CRYBG3: variants seen among roughly 807,000 people sequenced by gnomAD.
CRYBG3 encodes the protein crystallin beta-gamma domain containing 3.
A neutral mutation model predicts 244.2 loss-of-function variants in CRYBG3; 127 were observed. The ratio of observed to expected loss-of-function variants is 0.52; its 90% CI spans 0.45 to 0.60. The LOEUF is 0.60. CRYBG3 is among the 20% of genes least tolerant of loss of function. CRYBG3 has a pLI of 0.00. For missense variants in CRYBG3, 3,325 were observed against 3,442.5 expected, an observed-to-expected ratio of 0.97 and a Z score of 0.85; for synonymous variants, 1,132 against 1,195.8, an observed-to-expected ratio of 0.95 and a Z score of 1.10.
At position 97,899,187 on chromosome 3, in the gene CRYBG3, A is replaced by G; in HGVS notation, c.7895A>G (p.Glu2632Gly). 1 of 1,613,782 alleles carries G rather than the reference A, an allele frequency of 6.2e-7. No individual in the cohort carries two copies. Among genetic ancestry groups the G allele is most frequent in the Non-Finnish European group, 8.5e-7 (1 of 1,179,844 alleles). The change falls in exon 14 of 22, where the codon GAA becomes GGA. Residue 2632 changes from glutamate (E) to glycine (G), a missense_variant. By Grantham distance (98) the Glu-to-Gly change is moderately conservative (BLOSUM62 -2). Coordinates refer to ENST00000389622, the MANE Select transcript of CRYBG3 (RefSeq NM_153605.4). ...TTCTGTGGAGAACAATACATTTTAG[A>G]AAAAGGGAAATACAAATGCTTTTTT... ...KFFCGEQYIL[E>G]KGKYKCFFDW...
intron 15 of CRYBG3, among the ~76,000 whole-genome samples, chr3:97,902,586 T>C (rs1190911848): frequency 6.6e-6 from 1 of 151,958 alleles, no homozygotes; most frequent in Non-Finnish European, 1.5e-5. Context: ...TATTGACCAG[T>C]CCTCTAAGTT....
Position 97,872,579 on chromosome 3 carries a change from T to G in CRYBG3, c.1385T>G (p.Ile462Ser). ...STNLPSPNKS[I>S]RHEHLQLPES... is the part of the protein sequence containing the mutation. The stretch of plus-strand genomic sequence containing the variant: ...AATTTGCCAAGTCCAAATAAATCAA[T>G]TAGGCATGAACATCTGCAGTTGCCA... Residue 462 changes from isoleucine (I) to serine (S), a missense_variant, in exon 4 of 22, where the codon ATT (isoleucine) becomes AGT (serine). By Grantham distance (142) the Ile-to-Ser change is moderately radical. This residue lies in a region of CRYBG3 where 1,526 missense variants were observed against 1,443.2 expected (regional missense o/e 1.06). Coordinates refer to ENST00000389622, the MANE Select transcript of CRYBG3 (RefSeq NM_153605.4). 1 of 1,535,954 alleles carries G rather than the reference T, an allele frequency of 6.5e-7. No homozygotes were observed. Among genetic ancestry groups the G allele is most frequent in the Non-Finnish European group, 8.7e-7 (1 of 1,146,826 alleles).
intron 15 of CRYBG3, among the ~76,000 whole-genome samples, chr3:97,905,109 T>C (rs920850146): frequency 1.3e-4 from 20 of 152,312 alleles, no homozygotes; most frequent in Admixed American, 2.6e-4. Context: ...TTCCGTGGTA[T>C]ATATGTGACA....
chr3:97,908,747 A>C (rs1213230409), intron 15 of CRYBG3, among the ~76,000 whole-genome samples: 1 of 152,108 alleles, frequency 6.6e-6, no homozygotes, highest in Non-Finnish European at 1.5e-5. Context: ...GTCCATTTAT[A>C]TTTAAAGTTA....
At chr3:97,927,381 C>G (rs1157583712) in intron 17 of CRYBG3, among the ~76,000 whole-genome samples, 3 of 152,102 alleles carry the variant, frequency 2.0e-5, no homozygotes, top group Admixed American at 2.0e-4. Flanking sequence ...AATATTGAAA[C>G]TGAACCCCTT....
chr3:97,867,749 C>T (rs950348371), intron 3 of CRYBG3, among the ~76,000 whole-genome samples: 11 of 152,170 alleles, frequency 7.2e-5, no homozygotes, highest in Non-Finnish European at 1.5e-4. Context: ...TTAATACTCC[C>T]TTTTCTCTGT....
chr3:97,862,261 T>G (rs1007822255), intron 2 of CRYBG3, among the ~76,000 whole-genome samples: 6 of 152,196 alleles, frequency 3.9e-5, no homozygotes, highest in African/African-American at 1.4e-4. Context: ...AATTACTGTT[T>G]TGAGATTTTA....
At chr3:97,921,631 G>GA (rs1256625320) in intron 17 of CRYBG3, among the ~76,000 whole-genome samples, 1 of 151,988 alleles carries the variant, frequency 6.6e-6, no homozygotes, top group Non-Finnish European at 1.5e-5. Flanking sequence ...AACCTAAGTT[G>GA]AAAAAATGGT....
intron 17 of CRYBG3, among the ~76,000 whole-genome samples, chr3:97,919,712 AT>A (rs1238075439): frequency 1.0e-4 from 14 of 133,382 alleles, no homozygotes; most frequent in African/African-American, 3.9e-4. Context: ...CAATAAAATG[AT>A]TAAAAAAAAA....
At chr3:97,916,099 TAAATG>T (rs1458227120) in intron 17 of CRYBG3, among the ~76,000 whole-genome samples, 1 of 152,190 alleles carries the variant, frequency 6.6e-6, no homozygotes, top group Non-Finnish European at 1.5e-5. Flanking sequence ...ATTGGGATAT[TAAATG>T]AGATGATGCT....
intron 1 of CRYBG3, among the ~76,000 whole-genome samples, chr3:97,830,287 C>T (rs1361154063): frequency 6.6e-6 from 1 of 152,072 alleles, no homozygotes. Context: ...ACTTTCAGTG[C>T]TTTTTTCTAC....
At chr3:97,855,218 G>A (rs368535839) in intron 2 of CRYBG3, among the ~76,000 whole-genome samples, 1 of 152,022 alleles carries the variant, frequency 6.6e-6, no homozygotes, top group Non-Finnish European at 1.5e-5. Flanking sequence ...TCTTTTTTAT[G>A]TGCTGTTGGA....
At chr3:97,869,988 G>A (rs1462768065) in intron 3 of CRYBG3, among the ~76,000 whole-genome samples, 1 of 152,020 alleles carries the variant, frequency 6.6e-6, no homozygotes, top group African/African-American at 2.4e-5. Context: ...GCAATAAAAT[G>A]TATTTTTTAG....
At chr3:97,844,999 A>C (rs376567587) in intron 2 of CRYBG3, among the ~76,000 whole-genome samples, 1 of 152,258 alleles carries the variant, frequency 6.6e-6, no homozygotes, top group African/African-American at 2.4e-5. Flanking sequence ...TATCCTGTGC[A>C]TTTTGGCTCA....
chr3:97,851,131 CAAAAAA>C (rs11393717), intron 2 of CRYBG3, among the ~76,000 whole-genome samples: 2 of 94,198 alleles, frequency 2.1e-5, no homozygotes, highest in African/African-American at 6.7e-5. Context: ...AGACTGTCTC[CAAAAAA>C]AAAAAAAAAA....
At chr3:97,907,207 C>T (rs1477898498) in intron 15 of CRYBG3, among the ~76,000 whole-genome samples, 1 of 152,148 alleles carries the variant, frequency 6.6e-6, no homozygotes, top group East Asian at 1.9e-4. Flanking sequence ...CTAAAATTCT[C>T]TTTTTTTATT....
intron 15 of CRYBG3, among the ~76,000 whole-genome samples, chr3:97,905,638 A>C (rs934656529): frequency 3.3e-5 from 5 of 150,850 alleles, no homozygotes; most frequent in Admixed American, 3.3e-4. Flanking sequence ...TAGATTCTGG[A>C]TATTAGCCCT....
rs546148976 is a variant in CRYBG3, at chr3:97,842,505, T to C, written c.150-690T>C. On this transcript the variant is annotated intron_variant, in intron 1 of 21. Transcript: ENST00000389622. ...GAGCCCAAGAGGCTGCAATGAGCTATGATTGCACCACTGCACTCCAGCCTG... is the reference window on the plus strand; with the variant it reads ...GAGCCCAAGAGGCTGCAATGAGCTACGATTGCACCACTGCACTCCAGCCTG... Among the ~76,000 whole-genome samples the C allele has an allele frequency of 5.9e-5, 9 of 151,790 alleles. 1 individual carries two copies. The highest frequency in any genetic ancestry group is 2.2e-4 in the African/African-American group (9 of 41,366).
chr3:97,864,841 C>T (rs1211471036), intron 3 of CRYBG3, among the ~76,000 whole-genome samples, 194 bp downstream of exon 3: 2 of 152,042 alleles, frequency 1.3e-5, no homozygotes, highest in African/African-American at 4.8e-5. Context: ...TACAGGTAAT[C>T]TAGGGCCTGC....
Sources: allele counts gnomAD v4.1 joint callset (sites outside exome capture counted in the v4.1 genomes callset), GRCh38; gene constraint gnomAD v4.1.1; regional missense constraint gnomAD v4.1.1; transcripts MANE v1.5; gene names NCBI Gene and HGNC (gene_info 2026-07-23, HGNC 2026-07-21).